The following PPFIBP1 variants were observed in gnomAD, a reference collection of about 807,000 sequenced individuals.
PPFIBP1 encodes PPFIB scaffold protein 1, also known as liprin-beta-1.
In PPFIBP1, 112 loss-of-function variants were observed where a neutral mutation model predicts 137.8. The observed-to-expected ratio is 0.81, with a 90% CI of 0.70 to 0.95. The LOEUF (loss-of-function observed/expected upper bound fraction) is 0.95. Among genes scored for constraint, PPFIBP1 ranks in the 40% least tolerant of loss-of-function variants. The probability of loss-of-function intolerance (pLI) is 0.00; values close to 1 mark genes in which losing one functional copy is unlikely to be tolerated. For synonymous variants in PPFIBP1, 378 were observed against 417.3 expected, an observed-to-expected ratio of 0.91 and a Z score of 1.15; for missense variants, 1,083 against 1,196.6, an observed-to-expected ratio of 0.91 and a Z score of 1.40.
chr12:27,619,510 C>T (rs1334330465), intron 2 of PPFIBP1, among the ~76,000 whole-genome samples: 1 of 152,140 alleles, frequency 6.6e-6, no homozygotes, highest in Admixed American at 6.5e-5. Flanking sequence ...ATGACTCACC[C>T]AGAAGATATT....
At chr12:27,662,732 A>G (rs375614885) in intron 11 of PPFIBP1, among the ~76,000 whole-genome samples, 26 of 152,238 alleles carry the variant, frequency 1.7e-4, no homozygotes, top group Middle Eastern at 3.2e-3. Flanking sequence ...AGTCTATTCA[A>G]TATGCTTATG....
chr12:27,566,570 G>T (rs193160181), intron 1 of PPFIBP1, among the ~76,000 whole-genome samples: 84 of 152,336 alleles, frequency 5.5e-4, no homozygotes, highest in African/African-American at 1.4e-3. Flanking sequence ...TTAGTTTGAG[G>T]AGGAGATTTT....
chr12:27,582,474 T>A (rs1334008988), intron 2 of PPFIBP1, among the ~76,000 whole-genome samples: 1 of 152,228 alleles, frequency 6.6e-6, no homozygotes, highest in Non-Finnish European at 1.5e-5. Context: ...TGAGCCATGG[T>A]TTCCCATTGC....
At chr12:27,552,837 G>A (rs1946913204) in intron 1 of PPFIBP1, 1 of 152,230 alleles carries the variant, frequency 6.6e-6, no homozygotes, top group Non-Finnish European at 1.5e-5. Flanking sequence ...GTGGGAGTCA[G>A]TGGATGGAAA....
intron 2 of PPFIBP1, among the ~76,000 whole-genome samples, chr12:27,578,910 G>T (rs2050810349): frequency 6.6e-6 from 1 of 152,228 alleles, no homozygotes. Context: ...TCCGAGAGAG[G>T]TAAGGAGCGT....
chr12:27,578,987 G>A (rs1367562152), intron 2 of PPFIBP1, among the ~76,000 whole-genome samples: 3 of 152,218 alleles, frequency 2.0e-5, no homozygotes, highest in South Asian at 2.1e-4. Context: ...ATCCTAAAGC[G>A]TGCTTAGATG....
intron 1 of PPFIBP1, among the ~76,000 whole-genome samples, chr12:27,561,130 A>G (rs1214072542): frequency 1.3e-5 from 2 of 152,166 alleles, no homozygotes; most frequent in Non-Finnish European, 2.9e-5. Context: ...TAGTGAGGAG[A>G]GAGAAAAGGC....
At position 27,647,752 on chromosome 12, in the gene PPFIBP1, G is replaced by A. The variant is rs773384485; in HGVS notation, c.381G>A (p.Val127=). The part of the protein sequence containing the change: ...VLQVSVLTDQ[V]EAQGEKIRDL... ...AGGTAAGTGTGTTAACAGACCAGGTGGAGGCTCAGGGAGAGAAGATTCGAG... is the reference window on the plus strand; with the variant it reads ...AGGTAAGTGTGTTAACAGACCAGGTAGAGGCTCAGGGAGAGAAGATTCGAG... The change falls in exon 6 of 30, where the codon GTG becomes GTA. Residue 127 remains valine (V), a synonymous_variant. Transcript: ENST00000228425. The A allele has an allele frequency of 9.9e-6, 16 of 1,608,140 alleles. No individual in the cohort carries two copies. The highest frequency in any genetic ancestry group is 1.3e-5 in the Non-Finnish European group (15 of 1,177,424).
chr12:27,640,233 G>A (rs1304484038), intron 4 of PPFIBP1, among the ~76,000 whole-genome samples: 1 of 152,144 alleles, frequency 6.6e-6, no homozygotes, highest in African/African-American at 2.4e-5. Context: ...GTATTTGTTA[G>A]GACTGAAGGG....
intron 2 of PPFIBP1, among the ~76,000 whole-genome samples, chr12:27,599,048 T>C (rs1484625719): frequency 6.6e-6 from 1 of 152,242 alleles, no homozygotes; most frequent in Non-Finnish European, 1.5e-5. Flanking sequence ...TTTGACTTGA[T>C]GGGATTTGGA....
At chr12:27,664,028 C>CT (rs1565968013) in intron 11 of PPFIBP1, among the ~76,000 whole-genome samples, 1 of 151,768 alleles carries the variant, frequency 6.6e-6, no homozygotes, top group South Asian at 2.1e-4. Flanking sequence ...TGACTTTTTT[C>CT]TTTTTTTGTT....
At chr12:27,649,936 A>G in intron 6 of PPFIBP1, 74 bp from the exon 7 acceptor site, 2 of 1,393,994 alleles carry the variant, frequency 1.4e-6, no homozygotes, top group South Asian at 2.7e-5. Context: ...GCTTTGTGCG[A>G]TCATAAATGA....
At chr12:27,655,964 A>G (rs2059171805) in intron 8 of PPFIBP1, among the ~76,000 whole-genome samples, 1 of 152,270 alleles carries the variant, frequency 6.6e-6, no homozygotes, top group Non-Finnish European at 1.5e-5. Flanking sequence ...ATGAGTACAT[A>G]GAAGGATGGA....
At chr12:27,676,696 C>A in intron 18 of PPFIBP1, 97 bp downstream of exon 18, 4 of 1,231,006 alleles carry the variant, frequency 3.2e-6, no homozygotes, top group Non-Finnish European at 4.5e-6. Context: ...TGATTCATTT[C>A]TCTTTCTCAG....
rs2060369318 is a variant in PPFIBP1 at position 27,674,298 on chromosome 12, G to A, written c.1410+77G>A. The A allele has an allele frequency of 4.5e-6, 5 of 1,118,972 alleles. No homozygotes were observed. In the South Asian group the frequency reaches 7.5e-5, roughly 17 times the overall value. The allele number at this position is 1,118,972 out of a possible 1,614,324, so 69.3% of individuals were successfully genotyped here. A position where few individuals can be genotyped will look rare whatever the true frequency, so the allele number is the denominator to read the frequency against. The stretch of plus-strand genomic sequence containing the variant: ...GTAAATTGCTTAAATGTCTCCAGTA[G>A]ATAAAAACTTTCAGAACCTCTAGAA... On this transcript the variant is annotated intron_variant, in intron 17 of 29. Coordinates refer to ENST00000228425, the MANE Select transcript of PPFIBP1 (RefSeq NM_003622.4).
intron 3 of PPFIBP1, among the ~76,000 whole-genome samples, chr12:27,634,178 G>C (rs2057482527): frequency 7.5e-6 from 1 of 133,002 alleles, no homozygotes; most frequent in Non-Finnish European, 1.5e-5. Flanking sequence ...AGGAAGTCTT[G>C]CTATGTTTCT....
chr12:27,587,515 C>T (rs551041533), intron 2 of PPFIBP1, among the ~76,000 whole-genome samples: 15 of 146,968 alleles, frequency 1.0e-4, no homozygotes, highest in African/African-American at 3.5e-4. Flanking sequence ...CCCAGCTACT[C>T]GGGAGGCTGA....
rs1592956652 is a variant in PPFIBP1, at chr12:27,626,902, C to A, written c.-35-6460C>A. Among the ~76,000 whole-genome samples the A allele has an allele frequency of 2.0e-5, 3 of 152,288 alleles. No homozygotes were observed. In the South Asian group the frequency reaches 6.2e-4, roughly 32 times the overall value. On this transcript the variant is annotated intron_variant, in intron 2 of 29. Coordinates refer to ENST00000228425, the MANE Select transcript of PPFIBP1 (RefSeq NM_003622.4). The stretch of plus-strand genomic sequence containing the variant: ...TCTTACTAGCTCACAGGTGATGCTG[C>A]TGTTCCAAACCACTGAACTAGTACC...
Position 27,685,038 on chromosome 12 carries a change from G to T in PPFIBP1, c.2247+2335G>T, listed in dbSNP as rs147847977. Among the ~76,000 whole-genome samples the T allele has an allele frequency of 5.3e-5, 8 of 152,106 alleles. No individual in the cohort carries two copies. In the East Asian group the frequency reaches 1.4e-3, roughly 26 times the overall value. On this transcript the variant is annotated intron_variant, in intron 24 of 29. Transcript: ENST00000228425. ...GACACTACATTAAAACACACATTTT[G>T]TGACTTACGACTTCTGGGGTCAAAT... is the stretch of plus-strand genomic sequence containing the variant.
Sources: allele counts gnomAD v4.1 joint callset (sites outside exome capture counted in the v4.1 genomes callset), GRCh38; gene constraint gnomAD v4.1.1; transcripts MANE v1.5; gene names NCBI Gene and HGNC (gene_info 2026-07-23, HGNC 2026-07-21).